SOS1: variants seen among roughly 807,000 people sequenced by gnomAD.
SOS1 encodes son of sevenless homolog 1.
In SOS1, 25 loss-of-function variants were observed where a neutral mutation model predicts 157.6. The observed-to-expected ratio is 0.16, with a 90% confidence interval of 0.12 to 0.22. The LOEUF is 0.22. Among genes scored for constraint, SOS1 ranks in the 10% least tolerant of loss-of-function variants. The pLI is 1.00. For synonymous variants in SOS1, 528 were observed against 534.0 expected (o/e 0.99, Z 0.16); for missense variants, 1,237 against 1,599.1 (o/e 0.77, Z 3.86).
intron 20 of SOS1, chr2:38,992,134 T>C (rs1297691585): frequency 6.6e-6 from 1 of 152,146 alleles, no homozygotes; most frequent in Non-Finnish European, 1.5e-5. Context: ...GGCAAAACAG[T>C]GGGTAGCAAG....
In SOS1 at chr2:39,013,676, A is replaced by C. The variant is rs75830274; in HGVS notation, c.2064-113T>G. On this transcript the variant is annotated intron_variant, in intron 12 of 22. Coordinates refer to ENST00000402219, the MANE Select transcript of SOS1 (RefSeq NM_005633.4). ...TAACTCTTACCAAATTAATCTTATC[A>C]GTGTGCTTAACACTTCCAAAATTCT... 2.1e-4 allele frequency: 198 copies of C among 926,266 alleles called. No homozygotes were observed. In the African/African-American group the frequency reaches 2.6e-3, roughly 12 times the overall value. 57.4% of individuals were successfully genotyped at this position (926,266 alleles called of 1,614,324 possible). A position where few individuals can be genotyped will look rare whatever the true frequency, so the allele number is the denominator to read the frequency against.
chr2:39,073,692 G>A (rs1231807664), intron 1 of SOS1, among the ~76,000 whole-genome samples: 1 of 152,162 alleles, frequency 6.6e-6, no homozygotes. Flanking sequence ...AAGGGATTTA[G>A]GTGTATATCG....
intron 6 of SOS1, among the ~76,000 whole-genome samples, chr2:39,049,403 A>G (rs2124593455): frequency 6.6e-6 from 1 of 152,282 alleles, no homozygotes; most frequent in South Asian, 2.1e-4. Context: ...CTGTCTTTTG[A>G]TATCTAGAAA....
In SOS1 at chr2:39,064,742, ATTTT is replaced by A. The variant is rs4015841; in HGVS notation, c.213+2882_213+2885del. On this transcript the variant is annotated intron_variant, in intron 2 of 22. Transcript: ENST00000402219. ...TCAGATTGATCTATTTTTAAAATAC[ATTTT>A]TTTTTTTTTTTTTTTTTTTGGAGAT... 1.5e-4 allele frequency among the ~76,000 whole-genome samples: 11 copies of A among 74,830 alleles called. No homozygotes were observed. The East Asian group carries it at 3.1e-3, about 21-fold the overall frequency. The allele number at this position is 74,830 out of a possible 152,430, so 49.1% of individuals were successfully genotyped here.
At chr2:39,123,608 T>G (rs1673972002), upstream of SOS1, among the ~76,000 whole-genome samples, 1 of 152,102 alleles carries the variant, frequency 6.6e-6, no homozygotes, top group Non-Finnish European at 1.5e-5. Context: ...TCCACCCACC[T>G]CCGCCTCCCA....
chr2:39,027,997 A>T (rs915061957), intron 8 of SOS1, among the ~76,000 whole-genome samples: 5 of 152,168 alleles, frequency 3.3e-5, no homozygotes, highest in Admixed American at 6.5e-5. Context: ...CACCCAGAAA[A>T]TTTTTGTATT....
chr2:38,987,074 AT>A (rs1558455600), intron 22 of SOS1, among the ~76,000 whole-genome samples: 1 of 152,164 alleles, frequency 6.6e-6, no homozygotes, highest in African/African-American at 2.4e-5. Context: ...AGTATGTCAG[AT>A]TTACTATTAA....
intron 10 of SOS1, among the ~76,000 whole-genome samples, chr2:39,017,532 GACTGTTGTATT>G (rs1231004792): frequency 6.6e-6 from 1 of 151,970 alleles, no homozygotes; most frequent in Admixed American, 6.6e-5. Context: ...CCATAATCAT[GACTGTTGTATT>G]AGGTTCTAGA....
rs1051340542 is a variant in SOS1 at position 39,110,049 on chromosome 2, T to C, written c.87+10287A>G. ...AGTTGTGTGTGTGTGCGTGTGTGTGTGTGTGTGTGTGTGTGTGTGTGTGTG... is the reference window on the plus strand; with the variant it reads ...AGTTGTGTGTGTGTGCGTGTGTGTGCGTGTGTGTGTGTGTGTGTGTGTGTG... On this transcript the variant is annotated intron_variant, in intron 1 of 22. Transcript: ENST00000402219. Among the ~76,000 whole-genome samples the C allele has an allele frequency of 1.7e-3, 260 of 149,616 alleles. 1 individual carries two copies. The highest frequency in any genetic ancestry group is 3.9e-3 in the African/African-American group (157 of 40,468).
intron 17 of SOS1, among the ~76,000 whole-genome samples, chr2:39,002,441 G>A (rs1669133893): frequency 6.6e-6 from 1 of 152,178 alleles, no homozygotes; most frequent in African/African-American, 2.4e-5. Flanking sequence ...ACAGGAGCAG[G>A]GGCCAAATAG....
chr2:39,084,084 G>C (rs1273805126), intron 1 of SOS1, among the ~76,000 whole-genome samples: 1 of 152,084 alleles, frequency 6.6e-6, no homozygotes, highest in Admixed American at 6.6e-5. Flanking sequence ...TATAAGCCAA[G>C]GAGAGAGACC....
intron 17 of SOS1, among the ~76,000 whole-genome samples, chr2:38,999,058 T>C (rs1669000710): frequency 6.6e-6 from 1 of 152,222 alleles, no homozygotes; most frequent in Non-Finnish European, 1.5e-5. Flanking sequence ...AAAGGAGGTA[T>C]TCCAAACTCT....
At chr2:38,986,443 C>T (rs1668563271) in intron 22 of SOS1, 128 bp from the exon 23 acceptor site, 4 of 919,390 alleles carry the variant, frequency 4.4e-6, no homozygotes, top group Non-Finnish European at 6.4e-6. Context: ...GGGAGTTTTG[C>T]CATATGTTTT....
At chr2:39,083,306 C>T (rs1484805003) in intron 1 of SOS1, among the ~76,000 whole-genome samples, 1 of 151,996 alleles carries the variant, frequency 6.6e-6, no homozygotes, top group Non-Finnish European at 1.5e-5. Context: ...GAAGCACCTA[C>T]ATCCAAGCAG....
chr2:39,027,168 C>T (rs1028369357), intron 8 of SOS1, among the ~76,000 whole-genome samples: 11 of 151,968 alleles, frequency 7.2e-5, no homozygotes, highest in African/African-American at 2.4e-4. Flanking sequence ...GAAAACATAC[C>T]TAATGGTAGA....
intron 10 of SOS1, among the ~76,000 whole-genome samples, chr2:39,022,319 A>T (rs1193121188): frequency 2.0e-5 from 3 of 151,948 alleles, no homozygotes; most frequent in Non-Finnish European, 4.4e-5. Context: ...GTCACTTTCT[A>T]ACTGGATAAA....
intron 1 of SOS1, among the ~76,000 whole-genome samples, chr2:39,083,267 G>T (rs1426941112): frequency 6.6e-6 from 1 of 152,164 alleles, no homozygotes; most frequent in African/African-American, 2.4e-5. Flanking sequence ...AGGTGGACAG[G>T]AGCAATTTAA....
intron 1 of SOS1, among the ~76,000 whole-genome samples, chr2:39,078,885 C>A (rs1425476436): frequency 2.0e-5 from 3 of 151,912 alleles, no homozygotes; most frequent in Non-Finnish European, 4.4e-5. Context: ...CATGGTGAAA[C>A]CCTGTCTCCA....
At chr2:39,006,570 C>T (rs1386604940) in intron 16 of SOS1, 41 bp from the exon 17 acceptor site, 1 of 1,005,496 alleles carries the variant, frequency 9.9e-7, no homozygotes, top group South Asian at 1.3e-5. Flanking sequence ...CAAAAGGAAT[C>T]AAAGGTCTTG....
Sources: allele counts gnomAD v4.1 joint callset (sites outside exome capture counted in the v4.1 genomes callset), GRCh38; gene constraint gnomAD v4.1.1; transcripts MANE v1.5; gene names NCBI Gene and HGNC (gene_info 2026-07-23, HGNC 2026-07-21).